LCLAT1: variants seen among roughly 807,000 people sequenced by gnomAD.
LCLAT1 encodes the protein lysocardiolipin acyltransferase 1, also known as 1-AGP acyltransferase 8.
LCLAT1 carries 11 observed loss-of-function variants against 30.7 expected under a neutral mutation model. The observed-to-expected ratio is 0.36, with a 90% confidence interval of 0.23 to 0.59. The LOEUF (loss-of-function observed/expected upper bound fraction) is 0.59. Among genes scored for constraint, LCLAT1 ranks in the 20% least tolerant of loss-of-function variants. The pLI is 0.77. For missense variants in LCLAT1, 402 were observed against 458.6 expected (o/e 0.88, Z 1.13); for synonymous variants, 155 against 151.3 (o/e 1.02, Z -0.18).
intron 5 of LCLAT1, among the ~76,000 whole-genome samples, chr2:30,637,503 C>CT (rs1157708743): frequency 1.3e-5 from 2 of 152,174 alleles, no homozygotes; most frequent in Non-Finnish European, 2.9e-5. Flanking sequence ...AGCGCCAGCC[C>CT]TTTCTCAAAT....
intron 3 of LCLAT1, among the ~76,000 whole-genome samples, chr2:30,545,152 G>A (rs1417923708): frequency 6.6e-6 from 1 of 152,148 alleles, no homozygotes; most frequent in Non-Finnish European, 1.5e-5. Context: ...CCAGGCATAA[G>A]TGTAAGCAGC....
Position 30,640,293 on chromosome 2 carries a change from CG to C in LCLAT1, c.807del (p.Trp270GlyfsTer68), listed in dbSNP as rs770436194. The C allele has an allele frequency of 6.2e-7, 1 of 1,614,134 alleles. No homozygotes were observed. The highest frequency in any genetic ancestry group is 1.7e-5 in the Admixed American group (1 of 60,020). ...GGACCTTCAACTCTGGTGCCACAAA[CG>C]GTGGGAAGAGAAAGAAGAGAGGCTG... ...KEDLQLWCHK[R>X]WEEKEERLRS... On this transcript the variant is annotated frameshift_variant, in exon 6 of 6. Coordinates refer to ENST00000379509, the MANE Select transcript of LCLAT1 (RefSeq NM_001002257.3). LOFTEE classifies it high-confidence loss of function.
intron 1 of LCLAT1, among the ~76,000 whole-genome samples, chr2:30,502,082 G>A (rs1002829988): frequency 1.3e-5 from 2 of 152,170 alleles, no homozygotes; most frequent in African/African-American, 4.8e-5. Context: ...GAAAATAAAA[G>A]TTAGGGAGGG....
chr2:30,526,851 A>G (rs1685745329), intron 2 of LCLAT1, among the ~76,000 whole-genome samples: 1 of 152,174 alleles, frequency 6.6e-6, no homozygotes, highest in Non-Finnish European at 1.5e-5. Flanking sequence ...CATGTGACTA[A>G]AAGTCTTTTT....
chr2:30,616,757 A>G lies in LCLAT1; in HGVS notation c.629-23360A>G, dbSNP rs1668011769. ...CAGGAAAGGAAAAAGGATGCAAAATAACAATGAAAAGCTTGTCGGATATGT... is the reference window on the plus strand; with the variant it reads ...CAGGAAAGGAAAAAGGATGCAAAATGACAATGAAAAGCTTGTCGGATATGT... On this transcript the variant is annotated intron_variant, in intron 5 of 5. Coordinates refer to ENST00000379509, the MANE Select transcript of LCLAT1 (RefSeq NM_001002257.3). Among the ~76,000 whole-genome samples, 2 of 152,280 alleles carry G rather than the reference A, an allele frequency of 1.3e-5. 1 individual carries two copies. Among genetic ancestry groups the G allele is most frequent in the South Asian group, 4.1e-4 (2 of 4,820 alleles).
chr2:30,585,580 C>T (rs1313841362), intron 5 of LCLAT1, among the ~76,000 whole-genome samples: 1 of 152,164 alleles, frequency 6.6e-6, no homozygotes, highest in African/African-American at 2.4e-5. Flanking sequence ...TAAATTGCAA[C>T]ATCTCACTCT....
At chr2:30,510,790 A>T (rs1157880923) in intron 1 of LCLAT1, among the ~76,000 whole-genome samples, 2 of 150,170 alleles carry the variant, frequency 1.3e-5, no homozygotes, top group South Asian at 2.1e-4. Context: ...TTTTTGGGAG[A>T]TTTTTTCTCA....
intron 3 of LCLAT1, among the ~76,000 whole-genome samples, chr2:30,544,375 G>A (rs1664297897): frequency 6.6e-6 from 1 of 152,196 alleles, no homozygotes; most frequent in Admixed American, 6.5e-5. Flanking sequence ...GATTCTTGAA[G>A]CATAGGATTT....
At chr2:30,604,125 A>T (rs1281141677) in intron 5 of LCLAT1, among the ~76,000 whole-genome samples, 1 of 140,860 alleles carries the variant, frequency 7.1e-6, no homozygotes, top group Non-Finnish European at 1.6e-5. Flanking sequence ...AGATTAGGGC[A>T]CAACTAACTC....
intron 5 of LCLAT1, among the ~76,000 whole-genome samples, chr2:30,598,144 TACTG>T (rs1667011921): frequency 6.6e-6 from 1 of 152,210 alleles, no homozygotes; most frequent in African/African-American, 2.4e-5. Flanking sequence ...ATCAGGATAA[TACTG>T]ACCTCATAAA....
chr2:30,527,719 A>G (rs1207373333), intron 2 of LCLAT1, among the ~76,000 whole-genome samples: 2 of 152,208 alleles, frequency 1.3e-5, no homozygotes, highest in Non-Finnish European at 2.9e-5. Flanking sequence ...CTTACATCAG[A>G]GAGTCATTGT....
intron 5 of LCLAT1, among the ~76,000 whole-genome samples, chr2:30,570,230 A>G (rs1318300841): frequency 6.6e-6 from 1 of 152,204 alleles, no homozygotes; most frequent in African/African-American, 2.4e-5. Context: ...GCCAGTTGTG[A>G]CAGCTGGTCT....
intron 1 of LCLAT1, among the ~76,000 whole-genome samples, chr2:30,469,574 CTTTTT>C (rs199634493): frequency 0.049 from 5,045 of 103,692 alleles, 248 homozygotes; most frequent in East Asian, 0.23. Context: ...CAGGTCTCTT[CTTTTT>C]TTTTTTTTTT....
At position 30,568,192 on chromosome 2, in the gene LCLAT1, A is replaced by C; in HGVS notation, c.628+16A>C. 1 of 1,419,870 alleles carries C rather than the reference A, an allele frequency of 7.0e-7. No individual in the cohort carries two copies. Among genetic ancestry groups the C allele is most frequent in the Non-Finnish European group, 9.7e-7 (1 of 1,030,080 alleles). 88.0% of individuals were successfully genotyped at this position (1,419,870 alleles called of 1,614,324 possible). ...CTAAGAGAAGGTAAGCACCCATTTCAAAATGTACTTTTTAATAAAAGTGGC... is the reference window on the plus strand; with the variant it reads ...CTAAGAGAAGGTAAGCACCCATTTCCAAATGTACTTTTTAATAAAAGTGGC... On this transcript the variant is annotated intron_variant, in intron 5 of 5. Transcript: ENST00000379509.
chr2:30,528,015 C>T (rs1685803622), intron 2 of LCLAT1, among the ~76,000 whole-genome samples: 1 of 152,152 alleles, frequency 6.6e-6, no homozygotes, highest in Admixed American at 6.5e-5. Flanking sequence ...CCTAGCTTGG[C>T]CTCCAGCCTG....
intron 5 of LCLAT1, among the ~76,000 whole-genome samples, chr2:30,608,055 T>G (rs1163547367): frequency 6.6e-6 from 1 of 152,088 alleles, no homozygotes; most frequent in East Asian, 1.9e-4. Flanking sequence ...AGAAGTTTAC[T>G]CACACCTGTA....
chr2:30,598,027 GCTGGTTTCAGTTTGCCAGT>G (rs1667006215), intron 5 of LCLAT1, among the ~76,000 whole-genome samples: 1 of 152,204 alleles, frequency 6.6e-6, no homozygotes, highest in Admixed American at 6.5e-5. Flanking sequence ...TTGATAGGCT[GCTGGTTTCAGTTTGCCAGT>G]ATTTTATTGA....
chr2:30,591,661 A>T (rs1473338023), intron 5 of LCLAT1, among the ~76,000 whole-genome samples: 1 of 152,180 alleles, frequency 6.6e-6, no homozygotes, highest in East Asian at 1.9e-4. Flanking sequence ...AGGCTCTGAA[A>T]AAACCAAAGT....
intron 5 of LCLAT1, among the ~76,000 whole-genome samples, chr2:30,619,910 TCTC>T (rs1402855328): frequency 6.6e-6 from 1 of 152,168 alleles, no homozygotes; most frequent in Non-Finnish European, 1.5e-5. Flanking sequence ...CCTAAACAAA[TCTC>T]CTGCTATATG....
Sources: gnomAD v4.1 joint callset for allele counts (sites outside exome capture counted in the v4.1 genomes callset) on GRCh38, gnomAD v4.1.1 for gene constraint, MANE v1.5 for transcripts, NCBI Gene and HGNC (gene_info 2026-07-23, HGNC 2026-07-21) for gene names.